Variants in AFF2 observed in about 807,000 individuals in gnomAD.
AFF2 encodes the protein AF4/FMR2 family member 2.
AFF2 carries 14 observed loss-of-function variants against 76.9 expected under a neutral mutation model. That is an observed-to-expected ratio of 0.18 (90% CI 0.12 to 0.28). The LOEUF (loss-of-function observed/expected upper bound fraction) is 0.28. Among genes scored for constraint, AFF2 ranks in the 10% least tolerant of loss-of-function variants. The pLI is 1.00. For missense variants in AFF2, 868 were observed against 1,001.1 expected, an observed-to-expected ratio of 0.87 and a Z score of 1.79; for synonymous variants, 398 against 366.7, an observed-to-expected ratio of 1.09 and a Z score of -0.98.
intron 2 of AFF2, among the ~76,000 whole-genome samples, chrX:148,654,634 G>A (rs973164445): frequency 4.6e-5 from 5 of 109,551 alleles, no homozygotes; most frequent in African/African-American, 1.7e-4. Context: ...GCAAGGTCCC[G>A]GAGGAGATTA....
intron 1 of AFF2, among the ~76,000 whole-genome samples, chrX:148,562,979 A>T (rs1557240956): frequency 2.7e-5 from 3 of 112,243 alleles, no homozygotes; most frequent in African/African-American, 9.7e-5. Flanking sequence ...GCAGTTACAG[A>T]AGAGGAAGAG....
At chrX:148,702,430 G>C (rs1335864289) in intron 3 of AFF2, among the ~76,000 whole-genome samples, 1 of 111,542 alleles carries the variant, frequency 9.0e-6, no homozygotes, top group Non-Finnish European at 1.9e-5. Flanking sequence ...CCATTTCCAG[G>C]TAAGTTTTTC....
intron 1 of AFF2, among the ~76,000 whole-genome samples, chrX:148,647,660 C>T (rs1043717692): frequency 3.5e-4 from 39 of 111,649 alleles, no homozygotes; most frequent in African/African-American, 1.2e-3. Context: ...CATCTTCATT[C>T]TGAAGTGTGA....
chrX:148,831,953 A>T (rs373580603), intron 4 of AFF2, among the ~76,000 whole-genome samples: 2 of 112,426 alleles, frequency 1.8e-5, no homozygotes, highest in South Asian at 3.7e-4. Flanking sequence ...TTGTAAATGC[A>T]TAAGGACCTT....
rs2072613737 is a variant in AFF2 at position 148,997,265 on chromosome X, T to A, written c.*5933T>A. ...ACAAGAAGGCATAAACTAAAGTATA[T>A]AATGAGGCTTTCATTAAATACACAC... is the stretch of plus-strand genomic sequence containing the variant. On this transcript the variant is annotated 3_prime_UTR_variant, in exon 21 of 21. Transcript: ENST00000370460. 1.8e-5 allele frequency: 2 copies of A among 108,676 alleles called. No individual in the cohort carries two copies. Among genetic ancestry groups the A allele is most frequent in the Non-Finnish European group, 3.8e-5 (2 of 52,982 alleles). The allele number at this position is 108,676 out of a possible 1,213,427, so 9.0% of individuals were successfully genotyped here. A position where few individuals can be genotyped will look rare whatever the true frequency, so the allele number is the denominator to read the frequency against.
At chrX:148,762,143 C>T (rs1325983073) in intron 3 of AFF2, among the ~76,000 whole-genome samples, 1 of 109,833 alleles carries the variant, frequency 9.1e-6, no homozygotes, top group Admixed American at 9.8e-5. Context: ...TTGGTGCACC[C>T]ATCACCGAGC....
chrX:148,851,645 A>G (rs1473793204), intron 7 of AFF2, among the ~76,000 whole-genome samples: 8 of 111,922 alleles, frequency 7.1e-5, no homozygotes, highest in Non-Finnish European at 1.3e-4. Context: ...TCCATTGCCT[A>G]ATTTCTGGAG....
intron 3 of AFF2, among the ~76,000 whole-genome samples, chrX:148,753,848 CACT>C (rs782243286): frequency 7.2e-5 from 8 of 111,762 alleles, no homozygotes; most frequent in African/African-American, 2.6e-4. Flanking sequence ...CCATGAAAGC[CACT>C]ACTACCTGGC....
chrX:148,623,940 C>G (rs1350617150), intron 1 of AFF2, among the ~76,000 whole-genome samples: 2 of 111,146 alleles, frequency 1.8e-5, no homozygotes, highest in Non-Finnish European at 3.8e-5. Context: ...GGTAGAAGGT[C>G]TGTGATAAGC....
intron 1 of AFF2, among the ~76,000 whole-genome samples, chrX:148,631,409 G>C (rs1164777411): frequency 3.7e-5 from 2 of 53,765 alleles, no homozygotes; most frequent in Non-Finnish European, 6.7e-5. Flanking sequence ...CACATACGTA[G>C]AAGTACAAGG....
chrX:148,707,778 A>G lies in AFF2; in HGVS notation c.1041+45010A>G, dbSNP rs573861088. ...CTTTAAACTACAATAAATCCATGCA[A>G]TTGGGCTTGTTGTCTGTGGCATCGT... On this transcript the variant is annotated intron_variant, in intron 3 of 20. Coordinates refer to ENST00000370460, the MANE Select transcript of AFF2 (RefSeq NM_002025.4). Among the ~76,000 whole-genome samples, 13 of 111,461 alleles carry G rather than the reference A, an allele frequency of 1.2e-4. No individual in the cohort carries two copies. In the South Asian group the frequency reaches 3.8e-3, roughly 32 times the overall value.
At chrX:148,782,234 C>G (rs1321324741) in intron 3 of AFF2, among the ~76,000 whole-genome samples, 9 of 111,803 alleles carry the variant, frequency 8.0e-5, no homozygotes, top group Non-Finnish European at 1.7e-4. Context: ...GTGGACATAT[C>G]TTTTGGGAAC....
chrX:148,571,468 A>G (rs1228539588), intron 1 of AFF2, among the ~76,000 whole-genome samples: 2 of 111,717 alleles, frequency 1.8e-5, no homozygotes, highest in Non-Finnish European at 3.8e-5. Flanking sequence ...AGATATCAAG[A>G]AAATTTAAAC....
chrX:148,924,019 G>C (rs1240589062), intron 9 of AFF2, among the ~76,000 whole-genome samples: 1 of 111,755 alleles, frequency 8.9e-6, no homozygotes, highest in African/African-American at 3.3e-5. Context: ...GCAGTTCCCA[G>C]CAAATAAACG....
rs782581387 is a variant in AFF2 at position 148,886,025 on chromosome X, G to A, written c.1359+40G>A. On this transcript the variant is annotated intron_variant, in intron 8 of 20. Coordinates refer to ENST00000370460, the MANE Select transcript of AFF2 (RefSeq NM_002025.4). Reference sequence around the variant, plus strand: ...GGGCTTTGTTTTGGGATGAAGGGGGGAGCAGGAGGAACTGGAATGGCTTTG... The same window carrying A: ...GGGCTTTGTTTTGGGATGAAGGGGGAAGCAGGAGGAACTGGAATGGCTTTG... 3.9e-6 allele frequency: 4 copies of A among 1,026,884 alleles called. No individual in the cohort carries two copies. In the African/African-American group the frequency reaches 7.5e-5, roughly 19 times the overall value. 84.6% of individuals were successfully genotyped at this position (1,026,884 alleles called of 1,213,427 possible).
At chrX:148,616,826 T>C (rs1307229866) in intron 1 of AFF2, among the ~76,000 whole-genome samples, 28 of 109,327 alleles carry the variant, frequency 2.6e-4, no homozygotes, top group Non-Finnish European at 4.4e-4. Flanking sequence ...ATGCGGTGTT[T>C]GGTTTTTTGT....
chrX:148,755,061 G>A (rs2055546061), intron 3 of AFF2, among the ~76,000 whole-genome samples: 1 of 111,445 alleles, frequency 9.0e-6, no homozygotes, highest in African/African-American at 3.3e-5. Flanking sequence ...CTGTCCTAGC[G>A]AGTGTAGGAG....
intron 13 of AFF2, among the ~76,000 whole-genome samples, chrX:148,965,796 T>C (rs1306923351): frequency 8.9e-6 from 1 of 111,777 alleles, no homozygotes; most frequent in African/African-American, 3.3e-5. Context: ...ACACACAAGA[T>C]TGACAGATCA....
intron 7 of AFF2, among the ~76,000 whole-genome samples, chrX:148,871,312 C>G (rs902062765): frequency 5.4e-5 from 6 of 110,993 alleles, no homozygotes; most frequent in African/African-American, 2.0e-4. Context: ...ATACCTAACC[C>G]CTCGTGTCAT....
Sources: gnomAD v4.1 joint callset for allele counts (sites outside exome capture counted in the v4.1 genomes callset) on GRCh38, gnomAD v4.1.1 for gene constraint, MANE v1.5 for transcripts, NCBI Gene and HGNC (gene_info 2026-07-23, HGNC 2026-07-21) for gene names.